RBMS3: variants seen among roughly 807,000 people sequenced by gnomAD.
RBMS3 encodes RNA binding motif single stranded interacting protein 3, also known as RNA-binding motif, single-stranded-interacting protein 3.
Under a neutral mutation model 66.8 loss-of-function variants are expected in RBMS3, and 27 were observed. The ratio of observed to expected loss-of-function variants is 0.40; its 90% confidence interval spans 0.30 to 0.56. The LOEUF is 0.56. Ranked by LOEUF, RBMS3 falls within the 20% of genes least tolerant of loss-of-function variation. The pLI, the probability that RBMS3 is intolerant of heterozygous loss-of-function variation, is 0.40. For synonymous variants in RBMS3, 188 were observed against 183.0 expected, an observed-to-expected ratio of 1.03 and a Z score of -0.22; for missense variants, 513 against 549.5, an observed-to-expected ratio of 0.93 and a Z score of 0.66.
At chr3:29,791,432 G>A (rs554133787) in intron 6 of RBMS3, among the ~76,000 whole-genome samples, 1 of 152,232 alleles carries the variant, frequency 6.6e-6, no homozygotes, top group South Asian at 2.1e-4. Context: ...AGCAACAAAT[G>A]ATAAAAAGAA....
intron 4 of RBMS3, among the ~76,000 whole-genome samples, chr3:29,709,101 T>C (rs556934450): frequency 3.3e-5 from 5 of 152,180 alleles, no homozygotes; most frequent in Non-Finnish European, 7.4e-5. Context: ...TCACTCCTGC[T>C]TCCTTACGTT....
intron 4 of RBMS3, among the ~76,000 whole-genome samples, chr3:29,650,984 C>T (rs961437569): frequency 6.6e-5 from 10 of 152,144 alleles, no homozygotes; most frequent in Non-Finnish European, 1.5e-4. Context: ...TGTTTCTATA[C>T]CCCTGGATAA....
intron 1 of RBMS3, among the ~76,000 whole-genome samples, chr3:29,286,354 A>G (rs890287370): frequency 1.3e-5 from 2 of 152,042 alleles, no homozygotes; most frequent in African/African-American, 2.4e-5. Context: ...ACACAATCCC[A>G]GTGCATGTTT....
chr3:29,718,620 C>T (rs925297602), intron 4 of RBMS3, among the ~76,000 whole-genome samples: 3 of 151,958 alleles, frequency 2.0e-5, no homozygotes, highest in Non-Finnish European at 4.4e-5. Context: ...TGTTAACTCC[C>T]CTGCAACTTG....
intron 1 of RBMS3, among the ~76,000 whole-genome samples, chr3:29,383,388 A>G (rs928641834): frequency 1.4e-4 from 22 of 152,182 alleles, no homozygotes; most frequent in African/African-American, 5.3e-4. Flanking sequence ...TATTTTGGCT[A>G]TCAGTCTTTC....
Position 29,866,069 on chromosome 3 carries a change from C to T in RBMS3, c.638-2789C>T, listed in dbSNP as rs1249119228. Among the ~76,000 whole-genome samples, 6 of 94,510 alleles carry T rather than the reference C, an allele frequency of 6.3e-5. No homozygotes were observed. The East Asian group carries it at 1.7e-3, about 27-fold the overall frequency. 62.0% of individuals were successfully genotyped at this position (94,510 alleles called of 152,430 possible). A position where few individuals can be genotyped will look rare whatever the true frequency, so the allele number is the denominator to read the frequency against. On this transcript the variant is annotated intron_variant, in intron 6 of 14. Coordinates refer to ENST00000383767, the MANE Select transcript of RBMS3 (RefSeq NM_001003793.3). ...GATAAACTTTAGTCTATTATTAACA[C>T]CAAATACTAAAAAAAAAAAAAAAAA...
At chr3:29,934,779 T>C (rs1267614568) in intron 10 of RBMS3, among the ~76,000 whole-genome samples, 1 of 152,102 alleles carries the variant, frequency 6.6e-6, no homozygotes, top group African/African-American at 2.4e-5. Flanking sequence ...GCTCAATTTC[T>C]ATTATCTCTG....
intron 6 of RBMS3, among the ~76,000 whole-genome samples, chr3:29,856,413 CT>C (rs2059078340): frequency 6.6e-6 from 1 of 151,866 alleles, no homozygotes; most frequent in South Asian, 2.1e-4. Context: ...GGTCTCAGCC[CT>C]TTTTGAGAAG....
At chr3:29,883,296 T>C (rs1287970671) in intron 7 of RBMS3, among the ~76,000 whole-genome samples, 1 of 152,000 alleles carries the variant, frequency 6.6e-6, no homozygotes. Flanking sequence ...AAGACTTGGG[T>C]TGAAATCTGG....
At chr3:29,709,007 A>G (rs1172470694) in intron 4 of RBMS3, among the ~76,000 whole-genome samples, 1 of 152,024 alleles carries the variant, frequency 6.6e-6, no homozygotes, top group Non-Finnish European at 1.5e-5. Context: ...TCTCAGCCCA[A>G]CTCAGTTCAA....
At chr3:29,640,212 T>C (rs1156954273) in intron 4 of RBMS3, among the ~76,000 whole-genome samples, 1 of 151,510 alleles carries the variant, frequency 6.6e-6, no homozygotes, top group African/African-American at 2.4e-5. Context: ...ATCTAAAATA[T>C]CTGGATAATC....
chr3:29,774,901 A>T (rs2056366799), intron 6 of RBMS3, among the ~76,000 whole-genome samples: 1 of 151,286 alleles, frequency 6.6e-6, no homozygotes, highest in Non-Finnish European at 1.5e-5. Flanking sequence ...TTATTATTTT[A>T]AAATAAATAA....
intron 3 of RBMS3, among the ~76,000 whole-genome samples, chr3:29,519,108 T>C (rs1409267041): frequency 6.6e-6 from 1 of 152,232 alleles, no homozygotes; most frequent in Non-Finnish European, 1.5e-5. Flanking sequence ...CTTCTGTTGA[T>C]ATCTGTAACG....
chr3:29,566,868 C>G (rs2046762299), intron 3 of RBMS3, among the ~76,000 whole-genome samples: 1 of 152,008 alleles, frequency 6.6e-6, no homozygotes. Context: ...ACTCAACAAA[C>G]TGTACACTGA....
At chr3:29,633,072 A>G (rs1218844060) in intron 4 of RBMS3, among the ~76,000 whole-genome samples, 1 of 151,858 alleles carries the variant, frequency 6.6e-6, no homozygotes, top group Non-Finnish European at 1.5e-5. Flanking sequence ...TGCTTATCCT[A>G]CTGAAGTATG....
chr3:29,665,836 C>G (rs2050730560), intron 4 of RBMS3, among the ~76,000 whole-genome samples: 1 of 152,112 alleles, frequency 6.6e-6, no homozygotes, highest in Non-Finnish European at 1.5e-5. Context: ...CTGTGTAATG[C>G]AGATAAAGTT....
intron 6 of RBMS3, among the ~76,000 whole-genome samples, chr3:29,775,645 A>G (rs545529129): frequency 6.6e-6 from 1 of 152,186 alleles, no homozygotes; most frequent in African/African-American, 2.4e-5. Flanking sequence ...TGCTAATTTC[A>G]GATAATGTTC....
At chr3:29,373,512 T>C (rs2038313545) in intron 1 of RBMS3, among the ~76,000 whole-genome samples, 1 of 152,220 alleles carries the variant, frequency 6.6e-6, no homozygotes, top group Non-Finnish European at 1.5e-5. Context: ...ACTTGACCCC[T>C]AGACCTTGTG....
intron 12 of RBMS3, among the ~76,000 whole-genome samples, chr3:29,961,986 AATAT>A (rs1396853741): frequency 2.7e-5 from 3 of 110,346 alleles, no homozygotes; most frequent in Non-Finnish European, 6.7e-5. Context: ...AATATATATT[AATAT>A]ATATAATATA....
Sources: allele counts gnomAD v4.1 joint callset (sites outside exome capture counted in the v4.1 genomes callset), GRCh38; gene constraint gnomAD v4.1.1; transcripts MANE v1.5; gene names NCBI Gene and HGNC (gene_info 2026-07-23, HGNC 2026-07-21).